The following TUBGCP6 variants were observed in gnomAD, a reference collection of about 807,000 sequenced individuals.
The protein encoded by TUBGCP6 is gamma-tubulin complex component 6.
In TUBGCP6, 161 loss-of-function variants were observed where a neutral mutation model predicts 175.8. The ratio of observed to expected loss-of-function variants is 0.92; its 90% CI spans 0.81 to 1.04. TUBGCP6 has a LOEUF of 1.04. Ranked by LOEUF, TUBGCP6 falls within the 50% of genes least tolerant of loss-of-function variation. The probability of loss-of-function intolerance (pLI) is 0.00; values close to 1 mark genes in which losing one functional copy is unlikely to be tolerated. For synonymous variants in TUBGCP6, 1,173 were observed against 1,030.5 expected, an observed-to-expected ratio of 1.14 and a Z score of -2.65; for missense variants, 2,572 against 2,433.0, an observed-to-expected ratio of 1.06 and a Z score of -1.20.
rs1056237703 is a variant in TUBGCP6, at chr22:50,221,422, G to A, written c.2937C>T (p.Ser979=). ...PLQAAECSLG[S]SGLQLWEDSC... is the part of the protein sequence containing the mutation. ...TGTCCTCCCACAGCTGTAGCCCTGA[G>A]CTGCCCAAGCTGCACTCTGCAGCCT... is the stretch of plus-strand genomic sequence containing the variant. Residue 979 remains serine, a synonymous_variant, in exon 16 of 25, where the codon AGC becomes AGT. Coordinates refer to ENST00000248846, the MANE Select transcript of TUBGCP6 (RefSeq NM_020461.4). 1.1e-5 allele frequency: 18 copies of A among 1,600,860 alleles called. No individual in the cohort carries two copies. The highest frequency in any genetic ancestry group is 1.5e-5 in the Non-Finnish European group (18 of 1,176,614).
intron 3 of TUBGCP6, among the ~76,000 whole-genome samples, chr22:50,232,368 A>C (rs1005971312): frequency 2.4e-5 from 2 of 83,118 alleles, no homozygotes; most frequent in African/African-American, 1.0e-4. Context: ...TCTGTCTCAA[A>C]AAAAAAAAAG....
At chr22:50,222,894 G>A in intron 13 of TUBGCP6, 2 of 351,004 alleles carry the variant, frequency 5.7e-6, no homozygotes, top group Non-Finnish European at 1.0e-5. Context: ...GGGTGAGCAG[G>A]AGGCCGAGGG....
chr22:50,242,900 T>A (rs1312862761), intron 1 of TUBGCP6, among the ~76,000 whole-genome samples: 1 of 152,226 alleles, frequency 6.6e-6, no homozygotes, highest in Non-Finnish European at 1.5e-5. Context: ...CATGTTGCTT[T>A]GGCCGGCAGG....
At position 50,219,941 on chromosome 22, in the gene TUBGCP6, G is replaced by A. The variant is rs759730477; in HGVS notation, c.4167+16C>T. ...TCCCTGCCTGCTGTGGGACCCCCAG[G>A]CTGCATCCACCTAACCTGTGAGTTG... On this transcript the variant is annotated intron_variant, in intron 17 of 24. Coordinates refer to ENST00000248846, the MANE Select transcript of TUBGCP6 (RefSeq NM_020461.4). 1 of 1,613,918 alleles carries A rather than the reference G, an allele frequency of 6.2e-7. No individual in the cohort carries two copies. Among genetic ancestry groups the A allele is most frequent in the Non-Finnish European group, 8.5e-7 (1 of 1,179,882 alleles).
At position 50,219,721 on chromosome 22, in the gene TUBGCP6, C is replaced by T. The variant is rs1415197519; in HGVS notation, c.4238G>A (p.Gly1413Asp). 1 of 1,613,520 alleles carries T rather than the reference C, an allele frequency of 6.2e-7. No homozygotes were observed. Among genetic ancestry groups the T allele is most frequent in the African/African-American group, 1.3e-5 (1 of 74,948 alleles). The change falls in exon 18 of 25, where the codon GGT becomes GAT. Residue 1413 changes from glycine (G) to aspartate (D), a missense_variant. Transcript: ENST00000248846. ...EAEASAAEAQ[G>D]GEQAYLAGLA... The stretch of plus-strand genomic sequence containing the variant: ...GCCTGCCAGGTAGGCCTGCTCCCCA[C>T]CCTGAGCCTCCGCCGCCGATGCCTC...
At chr22:50,234,716 C>G (rs2064745820) in intron 2 of TUBGCP6, among the ~76,000 whole-genome samples, 1 of 147,942 alleles carries the variant, frequency 6.8e-6, no homozygotes, top group Non-Finnish European at 1.5e-5. Flanking sequence ...ATCCACACCC[C>G]CTGTCCACGG....
chr22:50,244,552 G>A lies in TUBGCP6; in HGVS notation c.-93C>T. On this transcript the variant is annotated 5_prime_UTR_variant, in exon 1 of 25. Coordinates refer to ENST00000248846, the MANE Select transcript of TUBGCP6 (RefSeq NM_020461.4). ...GAAGACAGGGAGTGAGAGAGGGTCC[G>A]AAGAGGCTGAATGACAGGCGGCCTC... 5 of 1,457,580 alleles carry A rather than the reference G, an allele frequency of 3.4e-6. No homozygotes were observed. Among genetic ancestry groups the A allele is most frequent in the South Asian group, 1.4e-5 (1 of 70,788 alleles). The allele number at this position is 1,457,580 out of a possible 1,614,324, so 90.3% of individuals were successfully genotyped here. A position where few individuals can be genotyped will look rare whatever the true frequency, so the allele number is the denominator to read the frequency against.
chr22:50,225,689 G>A, intron 10 of TUBGCP6, 105 bp downstream of exon 10: 1 of 1,426,418 alleles, frequency 7.0e-7, no homozygotes. Flanking sequence ...TGCCAGAAGG[G>A]AGGCCCCCAT....
In TUBGCP6 at chr22:50,243,957, T is replaced by C. The variant is rs2147221867; in HGVS notation, c.503A>G (p.Glu168Gly). Residue 168 changes from glutamate to glycine, a missense_variant, in exon 1 of 25, where the codon GAG (glutamate) becomes GGG (glycine). By Grantham distance (98) the Glu-to-Gly change is moderately conservative. Transcript: ENST00000248846. ...CTGGATCATGCTGTGACACAAACAC[T>C]CTTCTCTGGAGATCAGAGACTGAAC... is the stretch of plus-strand genomic sequence containing the variant. ...MDVQSLISRE[E>G]CLCHSMIQET... 1 of 1,614,110 alleles carries C rather than the reference T, an allele frequency of 6.2e-7. No individual in the cohort carries two copies.
chr22:50,225,605 A>AGCTCCCCCTTGGC (rs2064594361), intron 10 of TUBGCP6, among the ~76,000 whole-genome samples, 189 bp downstream of exon 10: 6 of 65,346 alleles, frequency 9.2e-5, no homozygotes, highest in African/African-American at 4.2e-4. Context: ...CCTTCATCTC[A>AGCTCCCCCTTGGC]ACTCCCCGTT....
Position 50,244,138 on chromosome 22 carries a change from C to T in TUBGCP6, c.322G>A (p.Gly108Arg). 1.2e-6 allele frequency: 2 copies of T among 1,613,538 alleles called. No individual in the cohort carries two copies. Among genetic ancestry groups the T allele is most frequent in the Non-Finnish European group, 1.7e-6 (2 of 1,180,044 alleles). Residue 108 changes from glycine (G) to arginine (R), a missense_variant, in exon 1 of 25, where the codon GGG (glycine) becomes AGG (arginine). Physicochemically the swap from Gly to Arg is moderately radical, Grantham distance 125. Coordinates refer to ENST00000248846, the MANE Select transcript of TUBGCP6 (RefSeq NM_020461.4). Reference protein sequence around the residue: ...AAPCCPLLEVGSVLDLLVQLA... With the variant: ...AAPCCPLLEVRSVLDLLVQLA... ...TGAACCAGGAGGTCCAAAACAGACC[C>T]CACCTCCAAAAGCGGACAGCAAGGG...
chr22:50,218,176 G>T lies in TUBGCP6; in HGVS notation c.5168+13C>A. The T allele has an allele frequency of 6.2e-7, 1 of 1,610,898 alleles. No individual in the cohort carries two copies. On this transcript the variant is annotated intron_variant, in intron 23 of 24. Coordinates refer to ENST00000248846, the MANE Select transcript of TUBGCP6 (RefSeq NM_020461.4). ...CCGTGACCACAGGGACGCAGCCGCT[G>T]CCCAGGCCTCACCTGAAGACGGCCT...
At chr22:50,225,218 C>T (rs2064588082) in intron 10 of TUBGCP6, among the ~76,000 whole-genome samples, 1 of 152,100 alleles carries the variant, frequency 6.6e-6, no homozygotes, top group African/African-American at 2.4e-5. Flanking sequence ...GAGGGGGCTT[C>T]CCCGCTCAGC....
intron 1 of TUBGCP6, among the ~76,000 whole-genome samples, chr22:50,243,442 G>C (rs1291083352): frequency 7.0e-6 from 1 of 143,436 alleles, no homozygotes; most frequent in Non-Finnish European, 1.5e-5. Flanking sequence ...AACAGAGCAA[G>C]ACTCCATCTC....
chr22:50,231,028 G>A (rs1176833925), intron 3 of TUBGCP6, among the ~76,000 whole-genome samples: 4 of 143,762 alleles, frequency 2.8e-5, no homozygotes, highest in Non-Finnish European at 6.0e-5. Context: ...GTTGCAGTGA[G>A]CTGAGATCAC....
At position 50,233,423 on chromosome 22, in the gene TUBGCP6, C is replaced by T. The variant is rs1432072901; in HGVS notation, c.1009G>A (p.Gly337Ser). 1.2e-6 allele frequency: 2 copies of T among 1,613,808 alleles called. No homozygotes were observed. The highest frequency in any genetic ancestry group is 1.1e-5 in the South Asian group (1 of 91,058). The change falls in exon 3 of 25, where the codon GGC becomes AGC. Residue 337 changes from glycine (G) to serine (S), a missense_variant. Physicochemically the swap from Gly to Ser is moderately conservative, Grantham distance 56. Coordinates refer to ENST00000248846, the MANE Select transcript of TUBGCP6 (RefSeq NM_020461.4). Reference protein sequence around the residue: ...HQGELQLLAGGVLQAPQPVLV... With the variant: ...HQGELQLLAGSVLQAPQPVLV... ...ACGGGCTGCGGGGCCTGTAGGACGC[C>T]CCCAGCAAGCAGCTGGAGCTCCCCT...
Position 50,244,664 on chromosome 22 carries a change from T to A in TUBGCP6, c.-205A>T. 1 of 813,174 alleles carries A rather than the reference T, an allele frequency of 1.2e-6. No individual in the cohort carries two copies. The highest frequency in any genetic ancestry group is 1.8e-6 in the Non-Finnish European group (1 of 551,598). The allele number at this position is 813,174 out of a possible 1,614,324, so 50.4% of individuals were successfully genotyped here. On this transcript the variant is annotated 5_prime_UTR_variant, in exon 1 of 25. Transcript: ENST00000248846. The stretch of plus-strand genomic sequence containing the variant: ...AGTAAACACGCCCTGCCCTCCCCAG[T>A]CCAAGCACGCTGCCCGGCGCCCGGC...
chr22:50,218,304 C>G lies in TUBGCP6; in HGVS notation c.5053G>C (p.Ala1685Pro), dbSNP rs367630361. The change falls in exon 23 of 25, where the codon GCC (alanine) becomes CCC (proline). Residue 1685 changes from alanine to proline, a missense_variant. Transcript: ENST00000248846. ...CAGGTGACGTGCAGGATCTGGTTGG[C>G]GATGTAGCCCTGGATGACCTTCACG... is the stretch of plus-strand genomic sequence containing the variant. ...HFVKVIQGYI[A>P]NQILHVTWCE... is the part of the protein sequence containing the mutation. The G allele has an allele frequency of 1.9e-6, 3 of 1,613,058 alleles. No individual in the cohort carries two copies. In the East Asian group the frequency reaches 6.7e-5, roughly 36 times the overall value.
chr22:50,218,780 G>C lies in TUBGCP6; in HGVS notation c.4744C>G (p.Leu1582Val). 2 of 1,614,106 alleles carry C rather than the reference G, an allele frequency of 1.2e-6. No individual in the cohort carries two copies. Among genetic ancestry groups the C allele is most frequent in the Non-Finnish European group, 1.7e-6 (2 of 1,180,004 alleles). ...ACCTCGGGCAGGTACTTGAGAGCGA[G>C]GGAGAGGTTGGAGGCGTGCGGGGTG... ...GDTPHASNLS[L>V]ALKYLPEVFA... Residue 1582 changes from leucine to valine, a missense_variant, in exon 21 of 25, where the codon CTC becomes GTC. Transcript: ENST00000248846.
Sources: gnomAD v4.1 joint callset for allele counts (sites outside exome capture counted in the v4.1 genomes callset) on GRCh38, gnomAD v4.1.1 for gene constraint, MANE v1.5 for transcripts, NCBI Gene and HGNC (gene_info 2026-07-23, HGNC 2026-07-21) for gene names.